KLF12: variants seen among roughly 807,000 people sequenced by gnomAD.
The protein encoded by KLF12 is Krueppel-like factor 12.
A neutral mutation model predicts 37.8 loss-of-function variants in KLF12; 9 were observed. The observed-to-expected ratio is 0.24, with a 90% CI of 0.14 to 0.42. The LOEUF is 0.42. KLF12 is among the 10% of genes least tolerant of loss of function. The probability of loss-of-function intolerance (pLI) is 1.00; values close to 1 mark genes in which losing one functional copy is unlikely to be tolerated. For synonymous variants in KLF12, 208 were observed against 202.1 expected (o/e 1.03, Z -0.25); for missense variants, 411 against 516.0 (o/e 0.80, Z 1.97).
chr13:73,908,640 C>T (rs1322424783), intron 3 of KLF12, among the ~76,000 whole-genome samples: 1 of 151,716 alleles, frequency 6.6e-6, no homozygotes, highest in East Asian at 2.0e-4. Context: ...ACCATCATGC[C>T]CGGTTAATAT....
chr13:73,688,506 T>C lies in KLF12; in HGVS notation c.*6984A>G, dbSNP rs1873628001. On this transcript the variant is annotated 3_prime_UTR_variant, in exon 8 of 8. Coordinates refer to ENST00000377669, the MANE Select transcript of KLF12 (RefSeq NM_007249.5). Reference sequence around the variant, plus strand: ...TGAAGCAGATTCTAGAATGTCTATATTGGTGGAAAGGTATACAAAGAGTTG... The same window carrying C: ...TGAAGCAGATTCTAGAATGTCTATACTGGTGGAAAGGTATACAAAGAGTTG... 1.3e-5 allele frequency: 2 copies of C among 152,102 alleles called. No individual in the cohort carries two copies. Among genetic ancestry groups the C allele is most frequent in the African/African-American group, 4.8e-5 (2 of 41,424 alleles). 9.4% of individuals were successfully genotyped at this position (152,102 alleles called of 1,614,324 possible).
chr13:73,973,744 A>G (rs1891416081), intron 2 of KLF12, among the ~76,000 whole-genome samples: 1 of 152,184 alleles, frequency 6.6e-6, no homozygotes, highest in Non-Finnish European at 1.5e-5. Context: ...AAGAAATGAA[A>G]GAAAGAGAAG....
At chr13:73,719,972 T>A (rs1353856847) in intron 6 of KLF12, among the ~76,000 whole-genome samples, 2 of 152,124 alleles carry the variant, frequency 1.3e-5, no homozygotes, top group African/African-American at 4.8e-5. Context: ...TAAAAACACA[T>A]AGATATAAAT....
intron 3 of KLF12, among the ~76,000 whole-genome samples, chr13:73,930,574 G>T (rs1566466543): frequency 6.6e-6 from 1 of 152,118 alleles, no homozygotes; most frequent in East Asian, 1.9e-4. Context: ...GCTTTCTACA[G>T]TAACAATTGT....
the KLF12 span, among the ~76,000 whole-genome samples, chr13:74,263,340 T>C: frequency 1.3e-5 from 2 of 152,200 alleles, no homozygotes; most frequent in Non-Finnish European, 1.5e-5. Context: ...TTTATTCACA[T>C]TTAAGTTGCT....
the KLF12 span, among the ~76,000 whole-genome samples, chr13:74,221,156 G>A: frequency 6.6e-6 from 1 of 151,844 alleles, no homozygotes; most frequent in Non-Finnish European, 1.5e-5. Context: ...AAGCACCGCC[G>A]CCACCACGCC....
In KLF12 at chr13:73,845,901, G is replaced by T; in HGVS notation, c.596C>A (p.Ala199Asp). 6.2e-7 allele frequency: 1 copy of T among 1,614,172 alleles called. No individual in the cohort carries two copies. The highest frequency in any genetic ancestry group is 8.5e-7 in the Non-Finnish European group (1 of 1,180,010). Residue 199 changes from alanine to aspartate, a missense_variant, in exon 4 of 8, where the codon GCT (alanine) becomes GAT (aspartate). Ala to Asp is a moderately radical substitution (Grantham distance 126, BLOSUM62 -2). Transcript: ENST00000377669. ...GTTCACATTTCCAGGTGACCTTACA[G>T]CTGTGTAGACAACAGGCACCGACTG...
intron 7 of KLF12, among the ~76,000 whole-genome samples, chr13:73,706,107 G>A (rs1320020745): frequency 3.3e-5 from 5 of 152,136 alleles, no homozygotes; most frequent in Non-Finnish European, 5.9e-5. Flanking sequence ...AGCCGAGATC[G>A]TGCCACTGTA....
intron 2 of KLF12, among the ~76,000 whole-genome samples, chr13:73,965,680 C>A (rs1891153150): frequency 6.6e-6 from 1 of 152,220 alleles, no homozygotes; most frequent in African/African-American, 2.4e-5. Context: ...TGCTCCAAAA[C>A]TTCTGCTCCC....
At chr13:73,954,051 T>G (rs1436914054) in intron 2 of KLF12, among the ~76,000 whole-genome samples, 8 of 141,112 alleles carry the variant, frequency 5.7e-5, no homozygotes, top group African/African-American at 1.9e-4. Context: ...TGATCTCGGC[T>G]CACTGCAAGC....
Position 73,695,442 on chromosome 13 carries a change from G to A in KLF12, c.*48C>T. 1 of 1,579,458 alleles carries A rather than the reference G, an allele frequency of 6.3e-7. No homozygotes were observed. Among genetic ancestry groups the A allele is most frequent in the Non-Finnish European group, 8.7e-7 (1 of 1,152,466 alleles). On this transcript the variant is annotated 3_prime_UTR_variant, in exon 8 of 8. Transcript: ENST00000377669. ...GGGATTCAGCCCTGCTGAATTGGGT[G>A]CCGCTAAGAGATCCAGCTCTTACGC... is the stretch of plus-strand genomic sequence containing the variant.
intron 1 of KLF12, among the ~76,000 whole-genome samples, chr13:74,125,796 A>C (rs1340996700): frequency 6.6e-6 from 1 of 152,202 alleles, no homozygotes; most frequent in Non-Finnish European, 1.5e-5. Context: ...TCTACAACAA[A>C]TATAATAATA....
chr13:74,119,331 G>A (rs1469543710), intron 1 of KLF12, among the ~76,000 whole-genome samples: 38 of 94,510 alleles, frequency 4.0e-4, no homozygotes, highest in Admixed American at 1.4e-3. Context: ...GACTCTTATC[G>A]CAAAAAAAAA....
chr13:73,788,402 G>GA (rs1191885257), intron 5 of KLF12, among the ~76,000 whole-genome samples: 3 of 152,048 alleles, frequency 2.0e-5, no homozygotes. Context: ...TTGTCATTCA[G>GA]AAAATCAATG....
At chr13:74,016,257 T>A (rs772865299) in intron 1 of KLF12, among the ~76,000 whole-genome samples, 4 of 151,966 alleles carry the variant, frequency 2.6e-5, no homozygotes, top group Middle Eastern at 6.8e-3. Flanking sequence ...ATTAGGAAAA[T>A]GCACATTAAA....
chr13:74,293,887 A>T, the KLF12 span, among the ~76,000 whole-genome samples: 1 of 152,228 alleles, frequency 6.6e-6, no homozygotes, highest in Non-Finnish European at 1.5e-5. Flanking sequence ...TGCTCTTAAA[A>T]GTGTATAGAG....
At chr13:73,928,744 C>CA (rs1889526030) in intron 3 of KLF12, among the ~76,000 whole-genome samples, 2 of 152,216 alleles carry the variant, frequency 1.3e-5, no homozygotes, top group South Asian at 2.1e-4. Flanking sequence ...CTTTGTATCA[C>CA]AAAAAAAGCA....
chr13:73,897,358 C>T (rs370470955), intron 3 of KLF12, among the ~76,000 whole-genome samples: 3 of 152,130 alleles, frequency 2.0e-5, no homozygotes, highest in South Asian at 2.1e-4. Context: ...ACAGGCCAGA[C>T]ATCTTCTGAT....
chr13:74,153,147 G>A, the KLF12 span, among the ~76,000 whole-genome samples: 50,634 of 151,596 alleles, frequency 0.33, 9,266 homozygotes, highest in Middle Eastern at 0.43. Context: ...CTCCTCCATT[G>A]TAATTCAAAT....
Sources: gnomAD v4.1 joint callset for allele counts (sites outside exome capture counted in the v4.1 genomes callset) on GRCh38, gnomAD v4.1.1 for gene constraint, MANE v1.5 for transcripts, NCBI Gene and HGNC (gene_info 2026-07-23, HGNC 2026-07-21) for gene names.